Variants in PTPRN2 observed in about 807,000 individuals in gnomAD.
PTPRN2 encodes protein tyrosine phosphatase receptor type N2.
A neutral mutation model predicts 118.8 loss-of-function variants in PTPRN2; 74 were observed. The ratio of observed to expected loss-of-function variants is 0.62; its 90% CI spans 0.52 to 0.76. The LOEUF (loss-of-function observed/expected upper bound fraction) is 0.76, where lower values mean the gene tolerates loss of function less well. Ranked by LOEUF, PTPRN2 falls within the 30% of genes least tolerant of loss-of-function variation. PTPRN2 has a pLI of 0.00. For synonymous variants in PTPRN2, 641 were observed against 608.0 expected (o/e 1.05, Z -0.80); for missense variants, 1,481 against 1,394.4 (o/e 1.06, Z -0.99).
chr7:157,950,897 TG>T (rs1169826901), intron 11 of PTPRN2, among the ~76,000 whole-genome samples: 8 of 152,118 alleles, frequency 5.3e-5, no homozygotes, highest in African/African-American at 1.9e-4. Context: ...TGATGGCGGG[TG>T]GCCATTCCCT....
intron 2 of PTPRN2, among the ~76,000 whole-genome samples, chr7:158,321,479 C>T (rs1321087367): frequency 6.6e-6 from 1 of 152,200 alleles, no homozygotes; most frequent in Non-Finnish European, 1.5e-5. Flanking sequence ...CGGACTGACC[C>T]GTCCAGCTCT....
In PTPRN2 at chr7:158,146,556, C is replaced by T. The variant is rs978640297; in HGVS notation, c.911-8041G>A. ...CTAACATGGTGAAACCCCATCTCTA[C>T]TAAAAATACAAAAAATTAGCCAGGC... On this transcript the variant is annotated intron_variant, in intron 6 of 22. Transcript: ENST00000389418. Among the ~76,000 whole-genome samples, 5 of 151,682 alleles carry T rather than the reference C, an allele frequency of 3.3e-5. No individual in the cohort carries two copies. In the South Asian group the frequency reaches 1.0e-3, roughly 32 times the overall value.
intron 3 of PTPRN2, among the ~76,000 whole-genome samples, chr7:158,303,397 G>A (rs1171509420): frequency 2.0e-5 from 3 of 152,110 alleles, no homozygotes; most frequent in Admixed American, 1.3e-4. Flanking sequence ...TACAGCAAAA[G>A]GAAAGCACCA....
At chr7:157,745,403 G>C (rs573169709) in intron 12 of PTPRN2, among the ~76,000 whole-genome samples, 7 of 152,084 alleles carry the variant, frequency 4.6e-5, no homozygotes, top group Non-Finnish European at 1.0e-4. Flanking sequence ...AGGCAGGCAT[G>C]GGGGAGAGGA....
At chr7:158,046,797 C>T (rs959410184) in intron 11 of PTPRN2, among the ~76,000 whole-genome samples, 8 of 152,138 alleles carry the variant, frequency 5.3e-5, no homozygotes, top group Admixed American at 1.3e-4. Context: ...GACGGCAGGA[C>T]GGGTTTCTCA....
At chr7:158,148,459 C>T (rs1368450018) in intron 6 of PTPRN2, among the ~76,000 whole-genome samples, 95 of 90,184 alleles carry the variant, frequency 1.1e-3, no homozygotes, top group East Asian at 2.3e-3. Flanking sequence ...TCATGCCACA[C>T]GTCTTTCCCC....
chr7:157,843,758 C>T (rs556635921), intron 12 of PTPRN2, among the ~76,000 whole-genome samples: 4 of 152,348 alleles, frequency 2.6e-5, no homozygotes, highest in South Asian at 2.1e-4. Context: ...GATTCACACT[C>T]GCAGTTTCGA....
At chr7:158,181,526 G>T (rs1014740984) in intron 5 of PTPRN2, among the ~76,000 whole-genome samples, 1 of 152,102 alleles carries the variant, frequency 6.6e-6, no homozygotes, top group Admixed American at 6.5e-5. Flanking sequence ...CCAATTCTTT[G>T]AGTGTCTGGT....
intron 11 of PTPRN2, among the ~76,000 whole-genome samples, chr7:158,006,989 G>A (rs964264889): frequency 1.1e-4 from 16 of 152,242 alleles, no homozygotes; most frequent in Middle Eastern, 3.4e-3. Context: ...AATGTACTCC[G>A]TCACAGTTCT....
rs865848195 is a variant in PTPRN2 at position 157,862,118 on chromosome 7, T to C, written c.1788+36555A>G. Among the ~76,000 whole-genome samples the C allele has an allele frequency of 2.4e-4, 36 of 152,188 alleles. No homozygotes were observed. The Middle Eastern group carries it at 0.01, about 43-fold the overall frequency. On this transcript the variant is annotated intron_variant, in intron 12 of 22. Coordinates refer to ENST00000389418, the MANE Select transcript of PTPRN2 (RefSeq NM_002847.5). ...TCCCCATCACAGGGACACTGCTGCT[T>C]CGAGGACTCTGTGTGCTGGAGTTTG...
At chr7:158,404,923 C>T (rs1319735240) in intron 2 of PTPRN2, among the ~76,000 whole-genome samples, 1 of 141,050 alleles carries the variant, frequency 7.1e-6, no homozygotes, top group Non-Finnish European at 1.6e-5. Context: ...CTCCCTGGCT[C>T]CCAGCTCCCC....
chr7:158,150,158 G>A (rs143609175), intron 6 of PTPRN2, among the ~76,000 whole-genome samples: 2 of 152,208 alleles, frequency 1.3e-5, no homozygotes, highest in Admixed American at 1.3e-4. Flanking sequence ...TTCCCTGCAG[G>A]CTCCTGTTGC....
At chr7:157,926,083 A>G (rs1451108797) in intron 11 of PTPRN2, among the ~76,000 whole-genome samples, 1 of 152,294 alleles carries the variant, frequency 6.6e-6, no homozygotes, top group Non-Finnish European at 1.5e-5. Context: ...ATTTTTATCC[A>G]TGCATTACCT....
intron 11 of PTPRN2, among the ~76,000 whole-genome samples, chr7:158,007,946 G>A (rs965939172): frequency 1.7e-4 from 25 of 151,094 alleles, no homozygotes; most frequent in African/African-American, 5.8e-4. Context: ...TGTGCTGTGT[G>A]TGGGGGTGTG....
chr7:157,661,787 C>T (rs544183344), intron 13 of PTPRN2, among the ~76,000 whole-genome samples: 1 of 152,158 alleles, frequency 6.6e-6, no homozygotes, highest in Non-Finnish European at 1.5e-5. Flanking sequence ...CTGGACACTA[C>T]GATGGGCAGG....
chr7:158,104,151 G>A (rs181181097), intron 10 of PTPRN2, among the ~76,000 whole-genome samples: 7 of 152,286 alleles, frequency 4.6e-5, no homozygotes, highest in Admixed American at 1.3e-4. Context: ...ATGAGCCACC[G>A]TGCCTGGCCT....
At chr7:158,271,731 C>T (rs142441154) in intron 3 of PTPRN2, among the ~76,000 whole-genome samples, 54 of 152,316 alleles carry the variant, frequency 3.5e-4, no homozygotes, top group African/African-American at 1.2e-3. Flanking sequence ...GATTCGGTGT[C>T]GGTGAGCGCC....
At chr7:157,836,412 T>C (rs1034422923) in intron 12 of PTPRN2, among the ~76,000 whole-genome samples, 1 of 152,244 alleles carries the variant, frequency 6.6e-6, no homozygotes, top group Admixed American at 6.5e-5. Context: ...GTAAGCCACA[T>C]AGATTGAATG....
At chr7:158,333,597 C>A (rs1335640471) in intron 2 of PTPRN2, among the ~76,000 whole-genome samples, 2 of 151,590 alleles carry the variant, frequency 1.3e-5, no homozygotes, top group Non-Finnish European at 2.9e-5. Context: ...GTCACACACA[C>A]CCACACTCTC....
Sources: gnomAD v4.1 joint callset for allele counts (sites outside exome capture counted in the v4.1 genomes callset) on GRCh38, gnomAD v4.1.1 for gene constraint, MANE v1.5 for transcripts, NCBI Gene and HGNC (gene_info 2026-07-23, HGNC 2026-07-21) for gene names.